Variants in POGZ observed in about 807,000 individuals in gnomAD.
POGZ encodes the protein pogo transposable element derived with ZNF domain.
POGZ carries 17 observed loss-of-function variants against 134.6 expected under a neutral mutation model. The ratio of observed to expected loss-of-function variants is 0.13; its 90% CI spans 0.09 to 0.19. The LOEUF is 0.19. Ranked by LOEUF, POGZ falls within the 10% of genes least tolerant of loss-of-function variation. The probability of loss-of-function intolerance (pLI) is 1.00; values close to 1 mark genes in which losing one functional copy is unlikely to be tolerated. For synonymous variants in POGZ, 693 were observed against 657.1 expected (o/e 1.05, Z -0.84); for missense variants, 1,306 against 1,769.7 (o/e 0.74, Z 4.70).
At chr1:151,419,927 G>A (rs1391422963) in intron 10 of POGZ, among the ~76,000 whole-genome samples, 3 of 151,956 alleles carry the variant, frequency 2.0e-5, no homozygotes, top group Admixed American at 6.6e-5. Context: ...TATTATTTGT[G>A]GAACTTCGGA....
chr1:151,455,894 C>CTTTTT (rs768038263), intron 1 of POGZ, among the ~76,000 whole-genome samples: 64 of 117,418 alleles, frequency 5.5e-4, no homozygotes, highest in East Asian at 3.8e-3. Context: ...TAGTTTCTTT[C>CTTTTT]TTTTTTTTTT....
intron 10 of POGZ, among the ~76,000 whole-genome samples, chr1:151,415,775 A>C (rs1207279460): frequency 6.6e-6 from 1 of 152,164 alleles, no homozygotes; most frequent in Admixed American, 6.5e-5. Flanking sequence ...TTTAGTCCCA[A>C]ATCTCACACT....
In POGZ at chr1:151,404,819, C is replaced by T; in HGVS notation, c.4216G>A (p.Asp1406Asn). The T allele has an allele frequency of 6.2e-7, 1 of 1,608,560 alleles. No homozygotes were observed. Among genetic ancestry groups the T allele is most frequent in the Non-Finnish European group, 8.5e-7 (1 of 1,177,146 alleles). Residue 1406 changes from aspartate to asparagine, a missense_variant, in exon 19 of 19, where the codon GAT becomes AAT. Transcript: ENST00000271715. ...CCCAACACTCAAATCTCCATCAGAT[C>T]TAGGTCAGCTTCTTCAAAGCCATAG... ...SFYGFEEADL[D>N]LMEI is the part of the protein sequence containing the mutation.
rs867865684 is a variant in POGZ, at chr1:151,416,228, A to G, written c.1679-3832T>C. 5.2e-4 allele frequency among the ~76,000 whole-genome samples: 78 copies of G among 148,884 alleles called. No individual in the cohort carries two copies. In the South Asian group the frequency reaches 0.013, roughly 26 times the overall value. On this transcript the variant is annotated intron_variant, in intron 10 of 18. Transcript: ENST00000271715. ...TCCATCTCAAAAAAAAAAAAAAAAAAAAAAAAAGAAAAAGAAAGAAAAGAA... is the reference window on the plus strand; with the variant it reads ...TCCATCTCAAAAAAAAAAAAAAAAAGAAAAAAAGAAAAAGAAAGAAAAGAA...
intron 15 of POGZ, among the ~76,000 whole-genome samples, chr1:151,407,745 A>G (rs1210757268): frequency 2.0e-5 from 3 of 152,194 alleles, no homozygotes; most frequent in Admixed American, 2.0e-4. Flanking sequence ...GCAGTGGCTC[A>G]TGTCTGTAAT....
intron 1 of POGZ, 89 bp downstream of exon 1, chr1:151,459,063 C>T (rs1663191264): frequency 7.1e-6 from 1 of 140,626 alleles, no homozygotes; most frequent in African/African-American, 2.5e-5. Context: ...CTCTCATTGT[C>T]TCGCCTCTGA....
intron 3 of POGZ, chr1:151,440,718 T>C: frequency 2.7e-6 from 1 of 366,166 alleles, no homozygotes. Flanking sequence ...CTCTCTCACT[T>C]GAAACACCAG....
In POGZ at chr1:151,423,548, G is replaced by C; in HGVS notation, c.1527C>G (p.Phe509Leu). Residue 509 changes from phenylalanine (F) to leucine (L), a missense_variant, in exon 10 of 19, where the codon TTC (phenylalanine) becomes TTG (leucine). Physicochemically the swap from Phe to Leu is conservative, Grantham distance 22. This residue lies in a region of POGZ where 541 missense variants were observed against 680.5 expected (regional missense o/e 0.80). Coordinates refer to ENST00000271715, the MANE Select transcript of POGZ (RefSeq NM_015100.4). ...CTACGTGGTGTTTCATATGGTTCAT[G>C]AATCTGTAATAAAGCACAAAGAGAA... is the stretch of plus-strand genomic sequence containing the variant. Reference protein sequence around the residue: ...CTKRLKNNIRFMNHMKHHVEL... With the variant: ...CTKRLKNNIRLMNHMKHHVEL... The C allele has an allele frequency of 1.2e-6, 2 of 1,608,792 alleles. No individual in the cohort carries two copies. Among genetic ancestry groups the C allele is most frequent in the Non-Finnish European group, 1.7e-6 (2 of 1,177,610 alleles).
chr1:151,458,279 T>C (rs12029691), intron 1 of POGZ, among the ~76,000 whole-genome samples: 22,513 of 151,802 alleles, frequency 0.15, 2,040 homozygotes, highest in East Asian at 0.34. Flanking sequence ...AGAATCTAAA[T>C]AAAATAGTCC....
intron 3 of POGZ, among the ~76,000 whole-genome samples, chr1:151,435,426 C>G (rs1027931553): frequency 1.3e-5 from 2 of 151,956 alleles, no homozygotes; most frequent in African/African-American, 4.8e-5. Context: ...TTTTAAAATA[C>G]TGAGTAGTAA....
chr1:151,406,401 G>A lies in POGZ; in HGVS notation c.2634C>T (p.Ser878=), dbSNP rs138843201. The A allele has an allele frequency of 3.8e-6, 6 of 1,570,712 alleles. No individual in the cohort carries two copies. The highest frequency in any genetic ancestry group is 4.3e-6 in the Non-Finnish European group (5 of 1,160,416). The change falls in exon 19 of 19, where the codon TCC becomes TCT. Residue 878 remains serine, a synonymous_variant. Coordinates refer to ENST00000271715, the MANE Select transcript of POGZ (RefSeq NM_015100.4). ...CAGTGGCAGCTTTGTTAGTGGGGAA[G>A]GAAGGAGGAGGGTACATATTCTTCA... ...RNVKNMYPPP[S]FPTNKAATVK... is the part of the protein sequence containing the mutation.
At position 151,430,535 on chromosome 1, in the gene POGZ, A is replaced by G. The variant is rs766174597; in HGVS notation, c.459+131T>C. 7.6e-5 allele frequency: 50 copies of G among 656,934 alleles called. 1 individual carries two copies. Among genetic ancestry groups the G allele is most frequent in the Non-Finnish European group, 1.1e-4 (44 of 393,592 alleles). 40.7% of individuals were successfully genotyped at this position (656,934 alleles called of 1,614,324 possible). ...GTTGGCATCAAATTACAGAACAGTA[A>G]AAGAGAAAGCCAGGTCAAAAGACAA... On this transcript the variant is annotated intron_variant, in intron 4 of 18. Transcript: ENST00000271715.
chr1:151,444,304 A>G (rs749042367), intron 1 of POGZ, among the ~76,000 whole-genome samples: 2 of 152,240 alleles, frequency 1.3e-5, no homozygotes, highest in Non-Finnish European at 2.9e-5. Flanking sequence ...ACTGAATTAA[A>G]AAGAAATCAA....
intron 3 of POGZ, among the ~76,000 whole-genome samples, chr1:151,432,138 C>A: frequency 6.6e-6 from 1 of 152,106 alleles, no homozygotes; most frequent in East Asian, 1.9e-4. Flanking sequence ...CACTGCACTC[C>A]AGCCTGGGCG....
At chr1:151,452,097 CAAAAAAA>C (rs574531921) in intron 1 of POGZ, among the ~76,000 whole-genome samples, 3 of 59,034 alleles carry the variant, frequency 5.1e-5, no homozygotes, top group Non-Finnish European at 1.2e-4. Flanking sequence ...GACTCCGTCT[CAAAAAAA>C]AAAAAAAAAA....
intron 10 of POGZ, among the ~76,000 whole-genome samples, chr1:151,420,647 T>G (rs1287164669): frequency 6.6e-6 from 1 of 152,052 alleles, no homozygotes; most frequent in Non-Finnish European, 1.5e-5. Flanking sequence ...CCCAAATGAT[T>G]AGTCCAAAGT....
rs538434087 is a variant in POGZ at position 151,411,577 on chromosome 1, A to T, written c.1926+48T>A. 5.1e-3 allele frequency: 2,450 copies of T among 483,976 alleles called. 1 individual carries two copies. Among genetic ancestry groups the T allele is most frequent in the Non-Finnish European group, 6.4e-3 (2,098 of 325,964 alleles). 30.0% of individuals were successfully genotyped at this position (483,976 alleles called of 1,614,324 possible). A position where few individuals can be genotyped will look rare whatever the true frequency, so the allele number is the denominator to read the frequency against. On this transcript the variant is annotated intron_variant, in intron 12 of 18. Coordinates refer to ENST00000271715, the MANE Select transcript of POGZ (RefSeq NM_015100.4). ...AGCCCTGGCCCCAGCATCCATGTTT[A>T]AAAAAAAAAAAAACAAGAGAATATG... is the stretch of plus-strand genomic sequence containing the variant.
intron 1 of POGZ, among the ~76,000 whole-genome samples, chr1:151,445,704 C>A (rs142896804): frequency 6.6e-6 from 1 of 152,052 alleles, no homozygotes; most frequent in Non-Finnish European, 1.5e-5. Flanking sequence ...CAGACTTATA[C>A]ACAAAGCATC....
At chr1:151,419,257 G>A (rs576589996) in intron 10 of POGZ, among the ~76,000 whole-genome samples, 1 of 152,086 alleles carries the variant, frequency 6.6e-6, no homozygotes, top group East Asian at 1.9e-4. Flanking sequence ...AGGAACTTGG[G>A]AGACTGAGGC....
Sources: allele counts gnomAD v4.1 joint callset (sites outside exome capture counted in the v4.1 genomes callset), GRCh38; gene constraint gnomAD v4.1.1; regional missense constraint gnomAD v4.1.1; transcripts MANE v1.5; gene names NCBI Gene and HGNC (gene_info 2026-07-23, HGNC 2026-07-21).